The following GSDMC variants were observed in gnomAD, a reference collection of about 807,000 sequenced individuals.
GSDMC encodes the protein gasdermin-C.
Under a neutral mutation model 58.0 loss-of-function variants are expected in GSDMC, and 59 were observed. The ratio of observed to expected loss-of-function variants is 1.02; its 90% CI spans 0.82 to 1.26. GSDMC has a LOEUF of 1.26. GSDMC is among the 50% of genes most tolerant of loss of function. The pLI is 0.00. For synonymous variants in GSDMC, 241 were observed against 220.2 expected (o/e 1.09, Z -0.83); for missense variants, 659 against 598.5 (o/e 1.10, Z -1.06).
the GSDMC span, chr8:129,728,823 C>G: frequency 3.5e-6 from 2 of 574,434 alleles, no homozygotes; most frequent in Admixed American, 2.6e-5. Flanking sequence ...CGGACGGACC[C>G]TGAGCTGAGG....
intron 1 of GSDMC, among the ~76,000 whole-genome samples, chr8:129,781,749 C>A (rs1363039605): frequency 1.2e-3 from 154 of 128,846 alleles, no homozygotes; most frequent in Admixed American, 1.3e-3. Context: ...GACTCCATCT[C>A]AAAAAAAAAA....
At chr8:129,726,672 C>A in the GSDMC span, among the ~76,000 whole-genome samples, 1 of 152,274 alleles carries the variant, frequency 6.6e-6, no homozygotes, top group Non-Finnish European at 1.5e-5. Context: ...AAGCTCCTGT[C>A]TTTTAAAGTA....
intron 5 of GSDMC, among the ~76,000 whole-genome samples, chr8:129,761,616 T>A (rs1038579598): frequency 1.3e-5 from 2 of 152,210 alleles, no homozygotes; most frequent in African/African-American, 4.8e-5. Flanking sequence ...GAGCTCCTTT[T>A]CTTTTCCTTC....
intron 10 of GSDMC, 68 bp downstream of exon 10, chr8:129,751,474 C>T (rs2033186839): frequency 1.5e-6 from 2 of 1,361,664 alleles, no homozygotes; most frequent in Admixed American, 4.1e-5. Flanking sequence ...ATAGAAACCA[C>T]CAACTTGGGT....
chr8:129,750,700 G>A (rs907047202), intron 10 of GSDMC, 130 bp from the exon 11 acceptor site: 23 of 841,448 alleles, frequency 2.7e-5, no homozygotes, highest in East Asian at 1.2e-4. Flanking sequence ...AACCAAAATT[G>A]TCTCTGCTAA....
intron 10 of GSDMC, 54 bp downstream of exon 10, chr8:129,751,488 C>CAG: frequency 6.7e-7 from 1 of 1,497,388 alleles, no homozygotes. Flanking sequence ...CTTGGGTGCT[C>CAG]AGACTTGCAG....
downstream of GSDMC, among the ~76,000 whole-genome samples, chr8:129,744,240 C>T (rs975112929): frequency 6.6e-6 from 1 of 152,114 alleles, no homozygotes; most frequent in African/African-American, 2.4e-5. Context: ...CCTGTGCTTC[C>T]TATTACACAA....
chr8:129,712,587 A>G, the GSDMC span, among the ~76,000 whole-genome samples: 1 of 152,146 alleles, frequency 6.6e-6, no homozygotes, highest in African/African-American at 2.4e-5. Context: ...GCTCCAGGAC[A>G]AGGCTATAAA....
Position 129,750,442 on chromosome 8 carries a change from G to A in GSDMC, c.1072C>T (p.Leu358=). ...MLRDRGALQD[L]MNMLELDSSG... Reference sequence around the variant, plus strand: ...GTGGAGCCCCTCACCATGTTCATCAGGTCCTGTAGAGCCCCTCTGTCTCTG... The same window carrying A: ...GTGGAGCCCCTCACCATGTTCATCAAGTCCTGTAGAGCCCCTCTGTCTCTG... The change falls in exon 11 of 14, where the codon CTG becomes TTG. Residue 358 remains leucine, a synonymous_variant. Transcript: ENST00000276708. 1 of 1,613,764 alleles carries A rather than the reference G, an allele frequency of 6.2e-7. No individual in the cohort carries two copies. The highest frequency in any genetic ancestry group is 8.5e-7 in the Non-Finnish European group (1 of 1,179,852).
intron 4 of GSDMC, among the ~76,000 whole-genome samples, chr8:129,765,172 C>A (rs552033303): frequency 6.6e-6 from 1 of 152,224 alleles, no homozygotes; most frequent in South Asian, 2.1e-4. Context: ...ATGTCAGTCA[C>A]ATGTGCTTGA....
At chr8:129,718,530 C>T in the GSDMC span, among the ~76,000 whole-genome samples, 1 of 152,168 alleles carries the variant, frequency 6.6e-6, no homozygotes, top group South Asian at 2.1e-4. Context: ...AGTCAGGAAA[C>T]AACAGATGCT....
chr8:129,751,929 A>C, intron 8 of GSDMC, 38 bp from the exon 9 acceptor site: 1 of 1,598,714 alleles, frequency 6.3e-7, no homozygotes, highest in South Asian at 1.1e-5. Context: ...AAAGAGGCTC[A>C]AAGACTAGAT....
intron 1 of GSDMC, among the ~76,000 whole-genome samples, chr8:129,782,057 C>T (rs185880928): frequency 2.6e-4 from 39 of 152,170 alleles, no homozygotes; most frequent in Admixed American, 6.5e-4. Context: ...AAATCAATAA[C>T]GAGAGCAATT....
At chr8:129,737,733 A>G in the GSDMC span, among the ~76,000 whole-genome samples, 2 of 152,260 alleles carry the variant, frequency 1.3e-5, no homozygotes, top group East Asian at 1.9e-4. Flanking sequence ...AGGCAACACC[A>G]TTCAGGACAT....
At chr8:129,730,641 G>A in the GSDMC span, among the ~76,000 whole-genome samples, 1 of 152,126 alleles carries the variant, frequency 6.6e-6, no homozygotes, top group African/African-American at 2.4e-5. Flanking sequence ...TATACAGATG[G>A]TCCTCAATTT....
chr8:129,776,252 T>C lies in GSDMC; in HGVS notation c.254A>G (p.Asp85Gly), dbSNP rs1345821216. Residue 85 changes from aspartate (D) to glycine (G), a missense_variant, in exon 3 of 14, where the codon GAC (aspartate) becomes GGC (glycine). Asp to Gly is a moderately conservative substitution (Grantham distance 94). Transcript: ENST00000276708. ...AGCCTTATGCTTCTGGATCATAATG[T>C]CACTGAAGTGGAACGGTCCTGTCAC... ...TVVTGPFHFSDIMIQKHKADM... is the reference protein window; with the variant it reads ...TVVTGPFHFSGIMIQKHKADM... 6.2e-6 allele frequency: 10 copies of C among 1,613,246 alleles called. No individual in the cohort carries two copies. Among genetic ancestry groups the C allele is most frequent in the Non-Finnish European group, 8.5e-6 (10 of 1,179,660 alleles).
the GSDMC span, among the ~76,000 whole-genome samples, chr8:129,719,909 C>A: frequency 6.6e-6 from 1 of 152,192 alleles, no homozygotes; most frequent in African/African-American, 2.4e-5. Context: ...CACTTCACTG[C>A]ACTCCAGCCT....
the GSDMC span, among the ~76,000 whole-genome samples, chr8:129,723,544 G>A: frequency 6.6e-6 from 1 of 151,666 alleles, no homozygotes; most frequent in African/African-American, 2.4e-5. Context: ...GGGATTACAG[G>A]CATGAGCCAC....
At chr8:129,762,081 T>C (rs368653950) in intron 5 of GSDMC, among the ~76,000 whole-genome samples, 1 of 152,226 alleles carries the variant, frequency 6.6e-6, no homozygotes, top group East Asian at 1.9e-4. Flanking sequence ...CAGATGCTTC[T>C]GCCCACATGG....
Sources: allele counts gnomAD v4.1 joint callset (sites outside exome capture counted in the v4.1 genomes callset), GRCh38; gene constraint gnomAD v4.1.1; transcripts MANE v1.5; gene names NCBI Gene and HGNC (gene_info 2026-07-23, HGNC 2026-07-21).